CFAP52: variants seen among roughly 807,000 people sequenced by gnomAD.
CFAP52 encodes cilia and flagella associated protein 52.
In CFAP52, 57 loss-of-function variants were observed where a neutral mutation model predicts 70.5. That is an observed-to-expected ratio of 0.81 (90% CI 0.65 to 1.01). The LOEUF is 1.01. CFAP52 is among the 50% of genes least tolerant of loss of function. The pLI, the probability that CFAP52 is intolerant of heterozygous loss-of-function variation, is 0.00. For missense variants in CFAP52, 785 were observed against 788.5 expected (o/e 1.00, Z 0.05); for synonymous variants, 267 against 292.5 (o/e 0.91, Z 0.89).
intron 4 of CFAP52, among the ~76,000 whole-genome samples, chr17:9,597,182 T>C (rs1909054464): frequency 6.6e-6 from 1 of 152,218 alleles, no homozygotes; most frequent in Admixed American, 6.5e-5. Flanking sequence ...GTGCTTGCCT[T>C]ATTTCACTTA....
At position 9,612,988 on chromosome 17, in the gene CFAP52, T is replaced by G. The variant is rs1909771735; in HGVS notation, c.1025+509T>G. Among the ~76,000 whole-genome samples the G allele has an allele frequency of 2.6e-5, 4 of 152,098 alleles. No individual in the cohort carries two copies. In the South Asian group the frequency reaches 6.2e-4, roughly 24 times the overall value. ...TTGCCCAGCTATAGGCTAATGGAAG[T>G]GTTCTGGGTATGTTTAAGGTAGGCT... On this transcript the variant is annotated intron_variant, in intron 8 of 13. Transcript: ENST00000352665.
In CFAP52 at chr17:9,585,907, T is replaced by C. The variant is rs759988424; in HGVS notation, c.205T>C (p.Cys69Arg). 16 of 1,613,710 alleles carry C rather than the reference T, an allele frequency of 9.9e-6. No individual in the cohort carries two copies. Among genetic ancestry groups the C allele is most frequent in the Non-Finnish European group, 1.3e-5 (15 of 1,179,962 alleles). The part of the protein sequence containing the change: ...FLQGHGNNVS[C>R]LAISRSGEYI... ...ACAGGGTCATGGCAACAACGTCTCC[T>C]GCTTGGCCATCTCCAGGTCTGGAGA... Residue 69 changes from cysteine (C) to arginine (R), a missense_variant, in exon 2 of 14, where the codon TGC (cysteine) becomes CGC (arginine). Coordinates refer to ENST00000352665, the MANE Select transcript of CFAP52 (RefSeq NM_145054.5).
At chr17:9,596,708 G>T in intron 4 of CFAP52, among the ~76,000 whole-genome samples, 1 of 150,378 alleles carries the variant, frequency 6.6e-6, no homozygotes, top group East Asian at 2.0e-4. Context: ...CATGGTTGTT[G>T]TGTGTGTGTG....
At chr17:9,625,278 T>C (rs1567632654) in intron 8 of CFAP52, among the ~76,000 whole-genome samples, 1 of 152,118 alleles carries the variant, frequency 6.6e-6, no homozygotes, top group Non-Finnish European at 1.5e-5. Flanking sequence ...CCCATACATA[T>C]ATAATTTAGC....
chr17:9,586,516 A>C (rs2151928380), intron 2 of CFAP52, among the ~76,000 whole-genome samples, 182 bp from the exon 3 acceptor site: 1 of 151,096 alleles, frequency 6.6e-6, no homozygotes, highest in Middle Eastern at 3.4e-3. Context: ...GTGAGCAGAG[A>C]TCTCGCCATT....
chr17:9,639,924 G>A (rs888835796), intron 12 of CFAP52, among the ~76,000 whole-genome samples: 7 of 152,336 alleles, frequency 4.6e-5, no homozygotes, highest in African/African-American at 1.7e-4. Flanking sequence ...AGGCAGTCAA[G>A]TTCCAACTAC....
At chr17:9,588,161 G>A in intron 3 of CFAP52, among the ~76,000 whole-genome samples, 1 of 152,182 alleles carries the variant, frequency 6.6e-6, no homozygotes, top group East Asian at 1.9e-4. Flanking sequence ...AGTTTAGAGT[G>A]CAGGCGTATA....
intron 11 of CFAP52, 117 bp from the exon 12 acceptor site, chr17:9,638,492 T>C: frequency 1.2e-6 from 1 of 837,072 alleles, no homozygotes. Flanking sequence ...TATGAGATGT[T>C]TGGCATGGAG....
chr17:9,642,201 A>G (rs1020430450), intron 13 of CFAP52, among the ~76,000 whole-genome samples: 5 of 152,222 alleles, frequency 3.3e-5, no homozygotes, highest in South Asian at 2.1e-4. Context: ...TTATTATTGC[A>G]TGATGCGATG....
At chr17:9,629,496 T>TTTCTTTTC (rs375629381) in intron 9 of CFAP52, among the ~76,000 whole-genome samples, 1 of 146,354 alleles carries the variant, frequency 6.8e-6, no homozygotes, top group Admixed American at 6.7e-5. Flanking sequence ...TCTTTCTTTC[T>TTTCTTTTC]TTTCTTTTCT....
chr17:9,581,516 TGA>T (rs75942703), intron 1 of CFAP52, among the ~76,000 whole-genome samples: 22 of 150,178 alleles, frequency 1.5e-4, no homozygotes, highest in African/African-American at 5.2e-4. Context: ...TACATATGTT[TGA>T]GAGAGAGAGA....
intron 6 of CFAP52, 100 bp from the exon 7 acceptor site, chr17:9,608,019 T>C (rs1909565015): frequency 1.2e-6 from 1 of 833,922 alleles, no homozygotes; most frequent in Admixed American, 3.2e-5. Flanking sequence ...TATTGCCATA[T>C]GTTTTTGGGG....
At chr17:9,576,902 C>G in intron 1 of CFAP52, 137 bp downstream of exon 1, 1 of 860,798 alleles carries the variant, frequency 1.2e-6, no homozygotes, top group Non-Finnish European at 1.7e-6. Flanking sequence ...GGGACACGCA[C>G]AGGAGGACCC....
Position 9,585,853 on chromosome 17 carries a change from G to A in CFAP52, c.151G>A (p.Ala51Thr), listed in dbSNP as rs1397029580. The change falls in exon 2 of 14, where the codon GCA becomes ACA. Residue 51 changes from alanine (A) to threonine (T), a missense_variant. Coordinates refer to ENST00000352665, the MANE Select transcript of CFAP52 (RefSeq NM_145054.5). ...YPLGCTVLIQ[A>T]INTKEQNFLQ... ...TCTTGGTTGCACAGTCCTCATTCAG[G>A]CAATAAATACTAAAGAGCAGAACTT... 2 of 1,613,974 alleles carry A rather than the reference G, an allele frequency of 1.2e-6. No individual in the cohort carries two copies. The highest frequency in any genetic ancestry group is 1.7e-6 in the Non-Finnish European group (2 of 1,180,016).
chr17:9,642,909 A>G, intron 13 of CFAP52, 114 bp from the exon 14 acceptor site: 2 of 865,328 alleles, frequency 2.3e-6, no homozygotes, highest in Non-Finnish European at 1.6e-6. Flanking sequence ...TAAAAGTGTT[A>G]TTATAAAGAC....
In CFAP52 at chr17:9,641,730, T is replaced by C; in HGVS notation, c.1582T>C (p.Tyr528His). 6.2e-7 allele frequency: 1 copy of C among 1,612,870 alleles called. No individual in the cohort carries two copies. The highest frequency in any genetic ancestry group is 1.1e-5 in the South Asian group (1 of 91,040). ...CTTCTTTCCTGAATTCCAGATTGCT[T>C]ACTGGGAAGTATTTGATGGGACAGT... ...ITSGTDRKIA[Y>H]WEVFDGTVIR... Residue 528 changes from tyrosine to histidine, a missense_variant, in exon 13 of 14, where the codon TAC becomes CAC. By Grantham distance (83) the Tyr-to-His change is moderately conservative (BLOSUM62 2). Coordinates refer to ENST00000352665, the MANE Select transcript of CFAP52 (RefSeq NM_145054.5).
In CFAP52 at chr17:9,622,550, A is replaced by AG. The variant is rs1454490021; in HGVS notation, c.1026-6122_1026-6121insG. ...AGTAAGACCCTGTTTCTATTAAAAA[A>AG]AAAAGAAGAAGAAGAAGAAGAAGAT... is the stretch of plus-strand genomic sequence containing the variant. On this transcript the variant is annotated intron_variant, in intron 8 of 13. Coordinates refer to ENST00000352665, the MANE Select transcript of CFAP52 (RefSeq NM_145054.5). Among the ~76,000 whole-genome samples the AG allele has an allele frequency of 5.6e-4, 85 of 151,710 alleles. 1 individual carries two copies. The highest frequency in any genetic ancestry group is 2.0e-3 in the African/African-American group (81 of 41,140).
At chr17:9,625,532 T>G (rs1910203947) in intron 8 of CFAP52, among the ~76,000 whole-genome samples, 1 of 151,880 alleles carries the variant, frequency 6.6e-6, no homozygotes, top group Non-Finnish European at 1.5e-5. Flanking sequence ...ATATTCCCCC[T>G]TTAAATTCCA....
At chr17:9,641,674 A>G in intron 12 of CFAP52, 50 bp from the exon 13 acceptor site, 1 of 1,387,510 alleles carries the variant, frequency 7.2e-7, no homozygotes, top group Non-Finnish European at 1.0e-6. Flanking sequence ...ATGTGCATGG[A>G]TGACTCTCCT....
Sources: allele counts gnomAD v4.1 joint callset (sites outside exome capture counted in the v4.1 genomes callset), GRCh38; gene constraint gnomAD v4.1.1; transcripts MANE v1.5; gene names NCBI Gene and HGNC (gene_info 2026-07-23, HGNC 2026-07-21).